Variants in DSN1 observed in about 807,000 individuals in gnomAD.
The protein encoded by DSN1 is DSN1 component of MIS12 kinetochore complex.
DSN1 carries 31 observed loss-of-function variants against 45.7 expected under a neutral mutation model. The ratio of observed to expected loss-of-function variants is 0.68; its 90% CI spans 0.51 to 0.92. The LOEUF is 0.92. Among genes scored for constraint, DSN1 ranks in the 40% least tolerant of loss-of-function variants. DSN1 has a pLI of 0.00. For synonymous variants in DSN1, 134 were observed against 142.3 expected (o/e 0.94, Z 0.41); for missense variants, 394 against 414.2 (o/e 0.95, Z 0.42).
intron 4 of DSN1, among the ~76,000 whole-genome samples, chr20:36,767,180 GCCTGTAGTCCCAGCTACT>G (rs2148280191): frequency 6.6e-6 from 1 of 151,994 alleles, no homozygotes; most frequent in East Asian, 1.9e-4. Context: ...GGTGGCGCGT[GCCTGTAGTCCCAGCTACT>G]CGGGAGGCTG....
At chr20:36,765,847 A>G (rs778430050) in intron 5 of DSN1, among the ~76,000 whole-genome samples, 5 of 116,128 alleles carry the variant, frequency 4.3e-5, no homozygotes, top group Admixed American at 8.1e-5. Context: ...GCAAAAGACT[A>G]AAAAAAAAAA....
chr20:36,768,722 C>T (rs1438663993), intron 3 of DSN1, among the ~76,000 whole-genome samples: 1 of 152,158 alleles, frequency 6.6e-6, no homozygotes, highest in African/African-American at 2.4e-5. Flanking sequence ...GTGCTTTAAA[C>T]ACTCTGTACT....
Position 36,766,842 on chromosome 20 carries a change from CTAAA to C in DSN1, c.430-5_430-2del, listed in dbSNP as rs778340694. 1 of 1,593,146 alleles carries C rather than the reference CTAAA, an allele frequency of 6.3e-7. No homozygotes were observed. The highest frequency in any genetic ancestry group is 8.5e-7 in the Non-Finnish European group (1 of 1,173,978). Reference sequence around the variant, plus strand: ...AAGGTTCAAGTTTCTGAATAGAGAACTAAATAAAGAAAAGCATTTTTAGTACAAC... The same window carrying C: ...AAGGTTCAAGTTTCTGAATAGAGAACTAAAGAAAAGCATTTTTAGTACAAC... On this transcript the variant is annotated splice_acceptor_variant and splice_polypyrimidine_tract_variant and intron_variant, in intron 4 of 10. Coordinates refer to ENST00000373750, the MANE Select transcript of DSN1 (RefSeq NM_001145315.2). LOFTEE classifies it high-confidence loss of function.
intron 1 of DSN1, among the ~76,000 whole-genome samples, chr20:36,772,442 C>A (rs1256695849): frequency 6.6e-6 from 1 of 151,910 alleles, no homozygotes; most frequent in Non-Finnish European, 1.5e-5. Context: ...GTGCCTGCCA[C>A]CACACCTGGC....
In DSN1 at chr20:36,758,543, C is replaced by T. The variant is rs1986796435; in HGVS notation, c.650+15G>A. ...GGGAGAACGAATTTAGATTTTCTAA[C>T]AAAGGTTAACTTACTTTGTTATGTA... On this transcript the variant is annotated intron_variant, in intron 7 of 10. Transcript: ENST00000373750. 6.3e-7 allele frequency: 1 copy of T among 1,590,080 alleles called. No individual in the cohort carries two copies. The highest frequency in any genetic ancestry group is 1.2e-5 in the South Asian group (1 of 86,620).
At chr20:36,769,519 C>G (rs559286367) in intron 3 of DSN1, among the ~76,000 whole-genome samples, 22 of 152,270 alleles carry the variant, frequency 1.4e-4, no homozygotes, top group African/African-American at 5.1e-4. Flanking sequence ...AGTACATGGG[C>G]CTTGTGGCAG....
chr20:36,755,859 G>A, intron 8 of DSN1, 30 bp from the exon 9 acceptor site: 1 of 1,591,976 alleles, frequency 6.3e-7, no homozygotes. Flanking sequence ...GCTTTTGAGA[G>A]ATTCTGTAAT....
At chr20:36,772,492 T>G (rs1172233043) in intron 1 of DSN1, among the ~76,000 whole-genome samples, 1 of 152,170 alleles carries the variant, frequency 6.6e-6, no homozygotes, top group Non-Finnish European at 1.5e-5. Context: ...TTTCCCCATA[T>G]TGGCCAGGCT....
intron 10 of DSN1, among the ~76,000 whole-genome samples, chr20:36,753,214 C>T (rs1245704319): frequency 6.6e-6 from 1 of 151,730 alleles, no homozygotes; most frequent in African/African-American, 2.4e-5. Flanking sequence ...TAGCATGGTC[C>T]TAGCACGATC....
chr20:36,767,158 T>A (rs2148280119), intron 4 of DSN1, among the ~76,000 whole-genome samples: 1 of 151,418 alleles, frequency 6.6e-6, no homozygotes, highest in South Asian at 2.1e-4. Flanking sequence ...ACAAAAAAAA[T>A]TAGCGGGGCA....
intron 8 of DSN1, among the ~76,000 whole-genome samples, chr20:36,756,074 G>A (rs1175200606): frequency 1.3e-5 from 2 of 151,806 alleles, no homozygotes; most frequent in South Asian, 2.1e-4. Context: ...TCTGCCTCCC[G>A]GGTTCAAGCA....
In DSN1 at chr20:36,771,447, C is replaced by G. The variant is rs139016755; in HGVS notation, c.12G>C (p.Val4=). Residue 4 remains valine, a synonymous_variant, in exon 2 of 11, where the codon GTG becomes GTC. Coordinates refer to ENST00000373750, the MANE Select transcript of DSN1 (RefSeq NM_001145315.2). MTS[V]TRSEIIDEKG... is the part of the protein sequence containing the mutation. ...TACCATCTATGATCTCTGATCTAGT[C>G]ACTGAAGTCATCCTAGGTGGTAAAC... 8.7e-5 allele frequency: 141 copies of G among 1,613,848 alleles called. No individual in the cohort carries two copies. Among genetic ancestry groups the G allele is most frequent in the Non-Finnish European group, 1.1e-4 (133 of 1,179,806 alleles).
At chr20:36,764,332 A>T (rs1038994236) in intron 5 of DSN1, among the ~76,000 whole-genome samples, 1 of 152,190 alleles carries the variant, frequency 6.6e-6, no homozygotes, top group Non-Finnish European at 1.5e-5. Flanking sequence ...TATGTTAATT[A>T]GTTATCAGGA....
At chr20:36,757,667 C>A (rs977711045) in intron 8 of DSN1, among the ~76,000 whole-genome samples, 1 of 152,220 alleles carries the variant, frequency 6.6e-6, no homozygotes, top group Admixed American at 6.5e-5. Flanking sequence ...CAATCTTCCT[C>A]ATCACCCACT....
Position 36,772,138 on chromosome 20 carries a change from C to T in DSN1, c.-15-665G>A, listed in dbSNP as rs556353512. 2.6e-5 allele frequency among the ~76,000 whole-genome samples: 4 copies of T among 151,904 alleles called. No homozygotes were observed. The East Asian group carries it at 5.9e-4, about 22-fold the overall frequency. ...TCAAGTGATCCACCAGCCTAGGCCT[C>T]CCAAAGTCTGGGATTACAGGCGTGA... On this transcript the variant is annotated intron_variant, in intron 1 of 10. Transcript: ENST00000373750.
intron 6 of DSN1, among the ~76,000 whole-genome samples, chr20:36,761,196 G>A (rs1661314605): frequency 6.6e-6 from 1 of 152,060 alleles, no homozygotes; most frequent in South Asian, 2.1e-4. Flanking sequence ...TTCATGGCTG[G>A]TTCCTTCTCA....
At position 36,770,937 on chromosome 20, in the gene DSN1, C is replaced by A. The variant is rs972809256; in HGVS notation, c.291G>T (p.Arg97=). 1 of 1,614,078 alleles carries A rather than the reference C, an allele frequency of 6.2e-7. No homozygotes were observed. Among genetic ancestry groups the A allele is most frequent in the African/African-American group, 1.3e-5 (1 of 74,930 alleles). Residue 97 remains arginine, a synonymous_variant, in exon 3 of 11, where the codon CGG becomes CGT. Transcript: ENST00000373750. ...GGTTCGTTTCTTTCATACTTGCTCG[C>A]CGCCAGGATTGCCTCCTGTCTTGAT... The part of the protein sequence containing the change: ...ASYQDRRQSW[R]RASMKETNRR...
In DSN1 at chr20:36,762,495, C is replaced by T. The variant is rs1265120075; in HGVS notation, c.556G>A (p.Gly186Arg). The change falls in exon 6 of 11, where the codon GGA becomes AGA. Residue 186 changes from glycine (G) to arginine (R), a missense_variant. Physicochemically the swap from Gly to Arg is moderately radical, Grantham distance 125. Transcript: ENST00000373750. Reference sequence around the variant, plus strand: ...TCTTCAAAACATTTTTGTAGAGTTCCATCAGTTTCCAGTCCGTCTGCAAAA... The same window carrying T: ...TCTTCAAAACATTTTTGTAGAGTTCTATCAGTTTCCAGTCCGTCTGCAAAA... ...KHFADGLETDGTLQKCFEDSN... is the reference protein window; with the variant it reads ...KHFADGLETDRTLQKCFEDSN... The T allele has an allele frequency of 4.3e-6, 7 of 1,613,570 alleles. No homozygotes were observed. The Admixed American group carries it at 1.0e-4, about 23-fold the overall frequency.
intron 10 of DSN1, 45 bp from the exon 11 acceptor site, chr20:36,752,942 G>GT: frequency 1.3e-6 from 2 of 1,495,518 alleles, no homozygotes; most frequent in Non-Finnish European, 1.9e-6. Flanking sequence ...TTGAAATAAC[G>GT]TAACATTTAT....
Sources: gnomAD v4.1 joint callset for allele counts (sites outside exome capture counted in the v4.1 genomes callset) on GRCh38, gnomAD v4.1.1 for gene constraint, MANE v1.5 for transcripts, NCBI Gene and HGNC (gene_info 2026-07-23, HGNC 2026-07-21) for gene names.